The following NOP2 variants were observed in gnomAD, a reference collection of about 807,000 sequenced individuals.
NOP2 encodes the protein NOP2 nucleolar protein, also known as 28S rRNA (cytosine(4447)-C(5))-methyltransferase.
A neutral mutation model predicts 72.7 loss-of-function variants in NOP2; 7 were observed. That is an observed-to-expected ratio of 0.10 (90% confidence interval 0.05 to 0.18). The LOEUF is 0.18. Among genes scored for constraint, NOP2 ranks in the 10% least tolerant of loss-of-function variants. The pLI, the probability that NOP2 is intolerant of heterozygous loss-of-function variation, is 1.00. For missense variants in NOP2, 954 were observed against 1,014.7 expected (o/e 0.94, Z 0.81); for synonymous variants, 387 against 388.0 (o/e 1.00, Z 0.03).
At chr12:6,565,975 T>C (rs1021238555) in intron 5 of NOP2, 126 bp downstream of exon 5, 2 of 729,514 alleles carry the variant, frequency 2.7e-6, no homozygotes, top group Non-Finnish European at 4.7e-6. Flanking sequence ...GAAACAGTGA[T>C]GGAGCACAAA....
intron 4 of NOP2, 79 bp from the exon 5 acceptor site, chr12:6,566,415 C>T (rs549846977): frequency 1.3e-6 from 2 of 1,489,034 alleles, no homozygotes; most frequent in African/African-American, 1.4e-5. Context: ...TACTTTCTAC[C>T]CCTCAGAATG....
rs1018933554 is a variant in NOP2, at chr12:6,566,907, T to C, written c.104-85A>G. ...AACGGAAATAAACATGGTAAGAGAA[T>C]TAGTACACTAATTAAAAGGAGTCCA... On this transcript the variant is annotated intron_variant, in intron 2 of 15. Transcript: ENST00000322166. 2.8e-6 allele frequency: 3 copies of C among 1,062,474 alleles called. No individual in the cohort carries two copies. The African/African-American group carries it at 4.7e-5, about 17-fold the overall frequency. The allele number at this position is 1,062,474 out of a possible 1,614,324, so 65.8% of individuals were successfully genotyped here.
chr12:6,566,262 T>G lies in NOP2; in HGVS notation c.313A>C (p.Lys105Gln). The G allele has an allele frequency of 2.5e-6, 4 of 1,613,928 alleles. No homozygotes were observed. The highest frequency in any genetic ancestry group is 3.4e-6 in the Non-Finnish European group (4 of 1,179,874). Residue 105 changes from lysine to glutamine, a missense_variant, in exon 5 of 16, where the codon AAG (lysine) becomes CAG (glutamine). Around this residue, in one of 3 missense-constraint regions of NOP2, gnomAD observed 498 missense variants for 478.3 expected, o/e 1.04. Coordinates refer to ENST00000322166, the MANE Select transcript of NOP2 (RefSeq NM_001258308.2). ...QSLFNAPRGKKRPAPGSDEEE... is the reference protein window; with the variant it reads ...QSLFNAPRGKQRPAPGSDEEE... ...TCATCACTGCCAGGTGCTGGGCGCT[T>G]CTTGCCTCGAGGAGCATTAAATAGG...
At position 6,556,962 on chromosome 12, in the gene NOP2, G is replaced by A. The variant is rs901232791; in HGVS notation, c.*31C>T. 3 of 1,612,124 alleles carry A rather than the reference G, an allele frequency of 1.9e-6. No homozygotes were observed. Among genetic ancestry groups the A allele is most frequent in the Admixed American group, 3.4e-5 (2 of 59,420 alleles). On this transcript the variant is annotated 3_prime_UTR_variant, in exon 16 of 16. Coordinates refer to ENST00000322166, the MANE Select transcript of NOP2 (RefSeq NM_001258308.2). ...CAAGAGTTCCAACCTGGTGACAATG[G>A]CAGTGAGCCACCCGTCTAGTTTTCA...
Position 6,563,762 on chromosome 12 carries a change from C to A in NOP2, c.540G>T (p.Trp180Cys), listed in dbSNP as rs115447939. 8 of 1,612,902 alleles carry A rather than the reference C, an allele frequency of 5.0e-6. No individual in the cohort carries two copies. The African/African-American group carries it at 1.1e-4, about 22-fold the overall frequency. ...KAREAAAGIQ[W>C]SEEETEDEEE... ...CCTCGTCCTCGGTCTCCTCTTCACT[C>A]CACTGGATCCTAGAAACAGGTCCAG... Residue 180 changes from tryptophan (W) to cysteine (C), a missense_variant, in exon 7 of 16, where the codon TGG (tryptophan) becomes TGT (cysteine). Physicochemically the swap from Trp to Cys is radical, Grantham distance 215. Coordinates refer to ENST00000322166, the MANE Select transcript of NOP2 (RefSeq NM_001258308.2).
At position 6,566,591 on chromosome 12, in the gene NOP2, A is replaced by G. The variant is rs2136179973; in HGVS notation, c.176T>C (p.Val59Ala). The G allele has an allele frequency of 6.2e-7, 1 of 1,613,980 alleles. No homozygotes were observed. Residue 59 changes from valine (V) to alanine (A), a missense_variant, in exon 4 of 16, where the codon GTT becomes GCT. Val to Ala is a moderately conservative substitution (Grantham distance 64). Transcript: ENST00000322166. ...KRAAKRRLGS[V>A]EAPKTNKSPE... ...AGACTTATTTGTCTTAGGGGCTTCA[A>G]CAGAGCCCAATCTCCTCTTGGCTGC... is the stretch of plus-strand genomic sequence containing the variant.
In NOP2 at chr12:6,557,086, A is replaced by C. The variant is rs1308505225; in HGVS notation, c.2346T>G (p.Pro782=). 6.2e-7 allele frequency: 1 copy of C among 1,613,938 alleles called. No homozygotes were observed. The change falls in exon 16 of 16, where the codon CCT becomes CCG. Residue 782 remains proline, a synonymous_variant. Coordinates refer to ENST00000322166, the MANE Select transcript of NOP2 (RefSeq NM_001258308.2). ...KQNDTPKGPQ[P]PTVSPIRSSR... The stretch of plus-strand genomic sequence containing the variant: ...TGGAACGGATGGGAGACACAGTGGG[A>C]GGCTGAGGCCCCTTGGGGGTATCAT...
Position 6,563,266 on chromosome 12 carries a change from A to G in NOP2, c.888+49T>C, listed in dbSNP as rs1226727473. On this transcript the variant is annotated intron_variant, in intron 8 of 15. Coordinates refer to ENST00000322166, the MANE Select transcript of NOP2 (RefSeq NM_001258308.2). ...GCCGAACATCTTCCTTACACAGCGT[A>G]AGGAGGCGAGAAAAGAAAAGCAAAA... The G allele has an allele frequency of 1.9e-6, 3 of 1,553,886 alleles. No homozygotes were observed. The East Asian group carries it at 7.2e-5, about 37-fold the overall frequency.
chr12:6,560,299 A>G lies in NOP2; in HGVS notation c.1588T>C (p.Tyr530His). Residue 530 changes from tyrosine to histidine, a missense_variant, in exon 15 of 16, where the codon TAT (tyrosine) becomes CAT (histidine). By Grantham distance (83) the Tyr-to-His change is moderately conservative. Around this residue, in one of 3 missense-constraint regions of NOP2, gnomAD observed 187 missense variants for 276.2 expected, o/e 0.68. Transcript: ENST00000322166. This position sits in a 1 kb window ranked among gnomAD's most constrained non-coding sequence, Gnocchi z 5.0. ...TVEENEWVVD[Y>H]ALKKRNVRLV... ...CGCACATTCCTCTTTTTCAGAGCAT[A>G]GTCTACCACCCACTCATTCTCTTCT... The G allele has an allele frequency of 6.2e-7, 1 of 1,613,956 alleles. No individual in the cohort carries two copies. The highest frequency in any genetic ancestry group is 1.1e-5 in the South Asian group (1 of 91,082).
At chr12:6,565,996 C>A in intron 5 of NOP2, 105 bp downstream of exon 5, 1 of 927,938 alleles carries the variant, frequency 1.1e-6, no homozygotes, top group Non-Finnish European at 1.7e-6. Context: ...AACCCCTTTC[C>A]TCTAGTCAGG....
At chr12:6,558,161 A>AAAAAAAAC in intron 15 of NOP2, 1 of 396,454 alleles carries the variant, frequency 2.5e-6, no homozygotes, top group Middle Eastern at 8.7e-4. Flanking sequence ...AAAAAAAAAA[A>AAAAAAAAC]AAAATCACTG....
At chr12:6,565,571 C>T (rs948675318) in intron 5 of NOP2, among the ~76,000 whole-genome samples, 2 of 152,088 alleles carry the variant, frequency 1.3e-5, no homozygotes, top group Non-Finnish European at 2.9e-5. Context: ...AACTCCGGAG[C>T]TCAGGTGATC....
Position 6,561,712 on chromosome 12 carries a change from G to A in NOP2, c.1159C>T (p.Arg387Trp), listed in dbSNP as rs1947654723. 16 of 1,613,490 alleles carry A rather than the reference G, an allele frequency of 9.9e-6. No homozygotes were observed. Among genetic ancestry groups the A allele is most frequent in the African/African-American group, 1.3e-5 (1 of 75,022 alleles). The change falls in exon 11 of 16, where the codon CGG becomes TGG. Residue 387 changes from arginine (R) to tryptophan (W), a missense_variant. Transcript: ENST00000322166. ...GGGGCACAACACATGTCCAGGATCC[G>A]CTCATGTTCCTGGGGTGCCAAGGCC... ...VMALAPQEHE[R>W]ILDMCCAPGG...
chr12:6,564,132 G>A (rs754678859), intron 5 of NOP2, 186 bp from the exon 6 acceptor site: 2 of 1,480,932 alleles, frequency 1.4e-6, no homozygotes, highest in South Asian at 1.2e-5. Context: ...TAAGTAATGA[G>A]GGCATGGTGG....
Position 6,566,328 on chromosome 12 carries a change from C to T in NOP2, c.247G>A (p.Ala83Thr), listed in dbSNP as rs755587866. The T allele has an allele frequency of 6.2e-7, 1 of 1,612,714 alleles. No individual in the cohort carries two copies. The highest frequency in any genetic ancestry group is 2.2e-5 in the East Asian group (1 of 44,868). The change falls in exon 5 of 16, where the codon GCA (alanine) becomes ACA (threonine). Residue 83 changes from alanine (A) to threonine (T), a missense_variant. Physicochemically the swap from Ala to Thr is moderately conservative, Grantham distance 58 (BLOSUM62 0). Transcript: ENST00000322166. ...TTACCAGCTGTCTGGACAGCTCCTGCAGAGATCCCTAAGGGTTTGAAGAGT... is the reference window on the plus strand; with the variant it reads ...TTACCAGCTGTCTGGACAGCTCCTGTAGAGATCCCTAAGGGTTTGAAGAGT... ...LPGKLPKGIS[A>T]GAVQTAGKKG... is the part of the protein sequence containing the mutation.
At chr12:6,559,043 C>T (rs894552515) in intron 15 of NOP2, among the ~76,000 whole-genome samples, 3 of 152,074 alleles carry the variant, frequency 2.0e-5, no homozygotes, top group African/African-American at 7.2e-5. Context: ...CTGCAACCTC[C>T]ACCTCCCAGG....
Position 6,561,070 on chromosome 12 carries a change from G to A in NOP2, c.1208C>T (p.Ala403Val), listed in dbSNP as rs769647551. 2.5e-6 allele frequency: 4 copies of A among 1,613,954 alleles called. No individual in the cohort carries two copies. The highest frequency in any genetic ancestry group is 3.3e-5 in the Admixed American group (2 of 60,014). The change falls in exon 12 of 16, where the codon GCC (alanine) becomes GTC (valine). Residue 403 changes from alanine (A) to valine (V), a missense_variant and splice_region_variant. Transcript: ENST00000322166. ...CACACCCGTGTTCTTCATCAGCTGG[G>A]CTAAAGAGAGGGCAGTAACAGTGCT... ...CAPGGKTSYM[A>V]QLMKNTGVIL...
chr12:6,560,990 G>C lies in NOP2; in HGVS notation c.1288C>G (p.His430Asp), dbSNP rs763431749. ...ERLKSVVGNL[H>D]RLGVTNTIIS... is the part of the protein sequence containing the mutation. Reference sequence around the variant, plus strand: ...ATGGTGTTGGTGACTCCCAGCCGATGCAAGTTGCCCACAACACTCTTGAGC... The same window carrying C: ...ATGGTGTTGGTGACTCCCAGCCGATCCAAGTTGCCCACAACACTCTTGAGC... Residue 430 changes from histidine to aspartate, a missense_variant, in exon 12 of 16, where the codon CAT becomes GAT. By Grantham distance (81) the His-to-Asp change is moderately conservative. Transcript: ENST00000322166. The surrounding 1 kb of genome is among the most constrained non-coding windows in gnomAD (Gnocchi z 5.0). 1 of 1,614,010 alleles carries C rather than the reference G, an allele frequency of 6.2e-7. No homozygotes were observed. The highest frequency in any genetic ancestry group is 1.7e-5 in the Admixed American group (1 of 60,010).
rs559651643 is a variant in NOP2 at position 6,562,964 on chromosome 12, C to T, written c.978+117G>A. ...CATCAGGCCTCTGGGTTTGCCCCCCCAGGATCATGCTTAGGTCCTAAGGCC... is the reference window on the plus strand; with the variant it reads ...CATCAGGCCTCTGGGTTTGCCCCCCTAGGATCATGCTTAGGTCCTAAGGCC... On this transcript the variant is annotated intron_variant, in intron 9 of 15. Coordinates refer to ENST00000322166, the MANE Select transcript of NOP2 (RefSeq NM_001258308.2). The T allele has an allele frequency of 1.6e-5, 16 of 1,019,658 alleles. 1 individual carries two copies. The highest frequency in any genetic ancestry group is 2.2e-5 in the Non-Finnish European group (15 of 668,584). The allele number at this position is 1,019,658 out of a possible 1,614,324, so 63.2% of individuals were successfully genotyped here. A position where few individuals can be genotyped will look rare whatever the true frequency, so the allele number is the denominator to read the frequency against.
Sources: gnomAD v4.1 joint callset for allele counts (sites outside exome capture counted in the v4.1 genomes callset) on GRCh38, gnomAD v4.1.1 for gene constraint, gnomAD v4.1.1 regional missense constraint, Gnocchi (gnomAD v3.1) non-coding constraint, MANE v1.5 for transcripts, NCBI Gene and HGNC (gene_info 2026-07-23, HGNC 2026-07-21) for gene names.